The following CERK variants were observed in gnomAD, a reference collection of about 807,000 sequenced individuals.
The protein encoded by CERK is ceramide kinase.
Under a neutral mutation model 63.4 loss-of-function variants are expected in CERK, and 39 were observed. That is an observed-to-expected ratio of 0.61 (90% CI 0.48 to 0.80). CERK has a LOEUF of 0.80. Among genes scored for constraint, CERK ranks in the 30% least tolerant of loss-of-function variants. The pLI, the probability that CERK is intolerant of heterozygous loss-of-function variation, is 0.00. For synonymous variants in CERK, 302 were observed against 280.0 expected, an observed-to-expected ratio of 1.08 and a Z score of -0.78; for missense variants, 670 against 714.1, an observed-to-expected ratio of 0.94 and a Z score of 0.70.
chr22:46,713,104 G>A (rs2146571189), intron 3 of CERK, among the ~76,000 whole-genome samples: 1 of 152,038 alleles, frequency 6.6e-6, no homozygotes, highest in South Asian at 2.1e-4. Context: ...TGTTTTGGTG[G>A]GTTCATGTGA....
chr22:46,724,616 G>C (rs9627545), intron 1 of CERK, among the ~76,000 whole-genome samples: 4,725 of 152,326 alleles, frequency 0.031, 240 homozygotes, highest in African/African-American at 0.11. Context: ...TGGTGTAAAG[G>C]GGGTGGAGCG....
intron 3 of CERK, among the ~76,000 whole-genome samples, chr22:46,718,449 G>A (rs113981655): frequency 0.036 from 5,439 of 152,260 alleles, 107 homozygotes; most frequent in Non-Finnish European, 0.048. Flanking sequence ...AGCCTAGTGC[G>A]GAACGACATG....
intron 1 of CERK, 136 bp from the exon 2 acceptor site, chr22:46,721,151 A>T (rs183450728): frequency 3.2e-6 from 2 of 626,630 alleles, no homozygotes; most frequent in African/African-American, 3.6e-5. Context: ...GGTGGTGTGC[A>T]CCTGTAATCC....
chr22:46,711,071 A>G lies in CERK; in HGVS notation c.569+15T>C, dbSNP rs138070271. On this transcript the variant is annotated intron_variant, in intron 5 of 12. Coordinates refer to ENST00000216264, the MANE Select transcript of CERK (RefSeq NM_022766.6). ...TAACAATGGACTTGATGGCGATGAA[A>G]GACGGCTTACTCACCCGTCGTATTT... 1.5e-4 allele frequency: 237 copies of G among 1,605,848 alleles called. 2 individuals carry two copies. In the East Asian group the frequency reaches 4.8e-3, roughly 33 times the overall value.
At position 46,712,300 on chromosome 22, in the gene CERK, G is replaced by A. The variant is rs752596365; in HGVS notation, c.380-7C>T. Reference sequence around the variant, plus strand: ...AAATGCTTTGGTCTGGACGCTGTAAGACAACAACATGTAAATAACAACGAA... The same window carrying A: ...AAATGCTTTGGTCTGGACGCTGTAAAACAACAACATGTAAATAACAACGAA... On this transcript the variant is annotated splice_region_variant and splice_polypyrimidine_tract_variant and intron_variant, in intron 3 of 12. Coordinates refer to ENST00000216264, the MANE Select transcript of CERK (RefSeq NM_022766.6). The A allele has an allele frequency of 6.2e-7, 1 of 1,612,400 alleles. No homozygotes were observed. The highest frequency in any genetic ancestry group is 8.5e-7 in the Non-Finnish European group (1 of 1,179,268).
intron 12 of CERK, among the ~76,000 whole-genome samples, chr22:46,687,532 C>T (rs1012052090): frequency 1.9e-4 from 29 of 152,226 alleles, no homozygotes; most frequent in Admixed American, 9.8e-4. Flanking sequence ...ACTCGAACTC[C>T]AGCACCCCCA....
chr22:46,693,428 C>G lies in CERK; in HGVS notation c.1125G>C (p.Ala375=), dbSNP rs780548627. The change falls in exon 10 of 13, where the codon GCG becomes GCC. Residue 375 remains alanine (A), a splice_region_variant and synonymous_variant. Transcript: ENST00000216264. Reference sequence around the variant, plus strand: ...CTGAGCCTGTGTTTTAGGAATTACCCGCAGCTTCCAAACCATACAGTGCTT... The same window carrying G: ...CTGAGCCTGTGTTTTAGGAATTACCGGCAGCTTCCAAACCATACAGTGCTT... ...QKKALYGLEA[A]EDVEEWQVVC... 6.2e-7 allele frequency: 1 copy of G among 1,613,820 alleles called. No individual in the cohort carries two copies. The highest frequency in any genetic ancestry group is 1.7e-5 in the Admixed American group (1 of 60,018).
chr22:46,691,140 T>C (rs570826571), intron 11 of CERK, among the ~76,000 whole-genome samples: 7 of 152,168 alleles, frequency 4.6e-5, no homozygotes, highest in African/African-American at 1.7e-4. Context: ...AGTTGCGTGA[T>C]CTCAGCTCAC....
chr22:46,738,095 C>A lies in CERK; in HGVS notation c.54G>T (p.Gln18His). 7.8e-7 allele frequency: 1 copy of A among 1,289,306 alleles called. No homozygotes were observed. The highest frequency in any genetic ancestry group is 9.9e-7 in the Non-Finnish European group (1 of 1,010,814). 79.9% of individuals were successfully genotyped at this position (1,289,306 alleles called of 1,614,324 possible). The change falls in exon 1 of 13, where the codon CAG (glutamine) becomes CAT (histidine). Residue 18 changes from glutamine to histidine, a missense_variant. Physicochemically the swap from Gln to His is conservative, Grantham distance 24 (BLOSUM62 0). Coordinates refer to ENST00000216264, the MANE Select transcript of CERK (RefSeq NM_022766.6). The stretch of plus-strand genomic sequence containing the variant: ...GCTCCAGGCTCACGGCGCAGCGCTG[C>A]TGCTTCACCCACAGCACGGATTGCA... ...EPLQSVLWVK[Q>H]QRCAVSLEPA...
chr22:46,711,026 G>T, intron 5 of CERK, 60 bp downstream of exon 5: 2 of 1,382,586 alleles, frequency 1.4e-6, no homozygotes, highest in Non-Finnish European at 2.1e-6. Context: ...AAAACTGAGA[G>T]GTGGGTAGAA....
intron 8 of CERK, 49 bp downstream of exon 8, chr22:46,699,264 C>A: frequency 6.3e-7 from 1 of 1,588,988 alleles, no homozygotes; most frequent in Non-Finnish European, 8.6e-7. Flanking sequence ...TCTGTGAAGG[C>A]AGTCGGGGCA....
In CERK at chr22:46,729,649, C is replaced by T. The variant is rs369508791; in HGVS notation, c.142+8358G>A. On this transcript the variant is annotated intron_variant, in intron 1 of 12. Coordinates refer to ENST00000216264, the MANE Select transcript of CERK (RefSeq NM_022766.6). ...GGAAACAACCCACAATAAATCAGCA[C>T]ACCAAGAACCAGGAAATGTTAACGT... Among the ~76,000 whole-genome samples the T allele has an allele frequency of 2.0e-4, 30 of 152,244 alleles. No homozygotes were observed. In the East Asian group the frequency reaches 5.8e-3, roughly 29 times the overall value.
At chr22:46,697,180 G>T (rs374505782) in intron 8 of CERK, among the ~76,000 whole-genome samples, 2 of 152,286 alleles carry the variant, frequency 1.3e-5, no homozygotes, top group South Asian at 4.1e-4. Context: ...TAAGATTTTA[G>T]TATCAGGAAT....
At chr22:46,730,118 TG>T (rs1448752009) in intron 1 of CERK, among the ~76,000 whole-genome samples, 1 of 151,954 alleles carries the variant, frequency 6.6e-6, no homozygotes, top group Non-Finnish European at 1.5e-5. Flanking sequence ...TGAACATACT[TG>T]AAGTTTTCAG....
At chr22:46,706,869 TAAG>T (rs1301789758) in intron 6 of CERK, among the ~76,000 whole-genome samples, 5 of 152,248 alleles carry the variant, frequency 3.3e-5, no homozygotes, top group African/African-American at 7.2e-5. Context: ...GCTCTGTCAT[TAAG>T]AAGGAGTAAT....
At chr22:46,709,284 C>A (rs1007237303) in intron 5 of CERK, among the ~76,000 whole-genome samples, 2 of 152,176 alleles carry the variant, frequency 1.3e-5, no homozygotes, top group Non-Finnish European at 2.9e-5. Flanking sequence ...CCTCAAGAGG[C>A]GAGGCTGATC....
chr22:46,700,749 C>T (rs968173702), intron 7 of CERK, among the ~76,000 whole-genome samples: 3 of 151,336 alleles, frequency 2.0e-5, no homozygotes, highest in East Asian at 2.0e-4. Context: ...CTGTGGCTTA[C>T]GCCTGTAATC....
intron 3 of CERK, among the ~76,000 whole-genome samples, chr22:46,718,850 G>C (rs5769110): frequency 6.6e-6 from 1 of 152,140 alleles, no homozygotes; most frequent in African/African-American, 2.4e-5. Context: ...AAGGTAGGAA[G>C]ATGGCTTGAG....
intron 1 of CERK, among the ~76,000 whole-genome samples, chr22:46,733,654 A>T (rs185699226): frequency 4.5e-4 from 69 of 152,122 alleles, no homozygotes; most frequent in African/African-American, 1.6e-3. Context: ...TATTTCGTCA[A>T]ATAATCTAGC....
Sources: gnomAD v4.1 joint callset for allele counts (sites outside exome capture counted in the v4.1 genomes callset) on GRCh38, gnomAD v4.1.1 for gene constraint, MANE v1.5 for transcripts, NCBI Gene and HGNC (gene_info 2026-07-23, HGNC 2026-07-21) for gene names.